CYLC2: variants seen among roughly 807,000 people sequenced by gnomAD.
CYLC2 encodes cylicin 2.
CYLC2 carries 30 observed loss-of-function variants against 26.1 expected under a neutral mutation model. That is an observed-to-expected ratio of 1.15 (90% CI 0.86 to 1.56). CYLC2 has a LOEUF of 1.56. CYLC2 is among the 40% of genes most tolerant of loss of function. The pLI, the probability that CYLC2 is intolerant of heterozygous loss-of-function variation, is 0.00. For synonymous variants in CYLC2, 158 were observed against 132.8 expected (o/e 1.19, Z -1.31); for missense variants, 498 against 394.4 (o/e 1.26, Z -2.23).
At chr9:103,014,682 A>ACAC (rs1554713811) in intron 6 of CYLC2, among the ~76,000 whole-genome samples, 3 of 135,634 alleles carry the variant, frequency 2.2e-5, no homozygotes, top group Admixed American at 1.6e-4. Flanking sequence ...TATGCAGTAT[A>ACAC]CATATGTAAT....
At chr9:103,016,299 A>G (rs1829505818) in intron 6 of CYLC2, among the ~76,000 whole-genome samples, 1 of 151,974 alleles carries the variant, frequency 6.6e-6, no homozygotes, top group South Asian at 2.1e-4. Context: ...CCTAAATAAG[A>G]TTCAGAGAAA....
chr9:103,003,409 C>A lies in CYLC2; in HGVS notation c.180+146C>A, dbSNP rs555672722. On this transcript the variant is annotated intron_variant, in intron 3 of 7. Coordinates refer to ENST00000374798, the MANE Select transcript of CYLC2 (RefSeq NM_001340.5). Reference sequence around the variant, plus strand: ...ATGTATAGTTGTATGTGTTATAGATCAAAGCTGACCAACAAGTTTCTGCAA... The same window carrying A: ...ATGTATAGTTGTATGTGTTATAGATAAAAGCTGACCAACAAGTTTCTGCAA... 22 of 664,978 alleles carry A rather than the reference C, an allele frequency of 3.3e-5. No individual in the cohort carries two copies. In the East Asian group the frequency reaches 6.2e-4, roughly 19 times the overall value. The allele number at this position is 664,978 out of a possible 1,614,324, so 41.2% of individuals were successfully genotyped here. A position where few individuals can be genotyped will look rare whatever the true frequency, so the allele number is the denominator to read the frequency against.
chr9:102,996,378 C>T lies in CYLC2; in HGVS notation c.17+981C>T, dbSNP rs182494361. The stretch of plus-strand genomic sequence containing the variant: ...AAAATATCGATGGTATTATTGTTAT[C>T]ATGAGCATCAAATAGCTTTCAGAGA... On this transcript the variant is annotated intron_variant, in intron 1 of 7. Coordinates refer to ENST00000374798, the MANE Select transcript of CYLC2 (RefSeq NM_001340.5). Among the ~76,000 whole-genome samples, 200 of 151,912 alleles carry T rather than the reference C, an allele frequency of 1.3e-3. 2 individuals are homozygous for T. The highest frequency in any genetic ancestry group is 1.8e-3 in the Non-Finnish European group (119 of 67,846).
chr9:102,996,031 C>T (rs1321955083), intron 1 of CYLC2, among the ~76,000 whole-genome samples: 1 of 151,746 alleles, frequency 6.6e-6, no homozygotes, highest in Admixed American at 6.6e-5. Context: ...TCTGTAAACC[C>T]TTTTACAGAG....
Position 103,015,645 on chromosome 9 carries a change from C to T in CYLC2, c.*817-1243C>T, listed in dbSNP as rs139559562. Among the ~76,000 whole-genome samples the T allele has an allele frequency of 1.8e-4, 26 of 147,300 alleles. No homozygotes were observed. In the East Asian group the frequency reaches 5.1e-3, roughly 29 times the overall value. On this transcript the variant is annotated intron_variant, in intron 6 of 7. Coordinates refer to ENST00000374798, the MANE Select transcript of CYLC2 (RefSeq NM_001340.5). ...GTCTCTTGAGTGTTCCTTGGACTCT[C>T]TACTTGACCAGCGCTCTACCTTTCA...
intron 6 of CYLC2, among the ~76,000 whole-genome samples, chr9:103,013,270 A>AT: frequency 4.8e-5 from 5 of 103,600 alleles, no homozygotes; most frequent in African/African-American, 2.0e-4. Context: ...TGTTATATAT[A>AT]TTATATATAA....
chr9:103,016,009 TTATC>T (rs145085805), intron 6 of CYLC2, among the ~76,000 whole-genome samples: 5,360 of 151,012 alleles, frequency 0.035, 126 homozygotes, highest in Non-Finnish European at 0.058. Context: ...TATGTATCAA[TTATC>T]TATCTATATG....
chr9:103,009,979 C>T (rs754774876), intron 5 of CYLC2, among the ~76,000 whole-genome samples: 10 of 109,602 alleles, frequency 9.1e-5, no homozygotes, highest in Non-Finnish European at 1.8e-4. Context: ...GAATTTATTA[C>T]ATTTTACATG....
rs771714115 is a variant in CYLC2, at chr9:103,005,213, G to A, written c.582G>A (p.Lys194=). ...GAKKDNKKDK[K]DSNKGKDSAT... ...AGAAAGATAACAAAAAAGATAAAAA[G>A]GATTCAAACAAAGGCAAAGACTCGG... The change falls in exon 5 of 8, where the codon AAG becomes AAA. Residue 194 remains lysine, a synonymous_variant. Transcript: ENST00000374798. The A allele has an allele frequency of 8.1e-6, 13 of 1,609,096 alleles. 1 individual carries two copies. In the South Asian group the frequency reaches 1.3e-4, roughly 16 times the overall value.
chr9:103,000,449 T>A (rs570339268), intron 1 of CYLC2, among the ~76,000 whole-genome samples: 7 of 152,170 alleles, frequency 4.6e-5, no homozygotes, highest in African/African-American at 1.7e-4. Flanking sequence ...CATTGTTGGG[T>A]ATCAACATTT....
At chr9:103,004,930 T>G (rs1157414488) in intron 4 of CYLC2, 39 bp from the exon 5 acceptor site, 2 of 1,574,990 alleles carry the variant, frequency 1.3e-6, no homozygotes, top group Non-Finnish European at 1.7e-6. Context: ...CAAGTTTGGA[T>G]TTTCCCATTT....
At chr9:103,009,699 T>C (rs1338259989) in intron 5 of CYLC2, among the ~76,000 whole-genome samples, 2 of 152,018 alleles carry the variant, frequency 1.3e-5, no homozygotes, top group Non-Finnish European at 2.9e-5. Flanking sequence ...ACGATTCTCA[T>C]CTCTCCTTCA....
intron 5 of CYLC2, among the ~76,000 whole-genome samples, chr9:103,008,908 T>A (rs771400408): frequency 5.3e-5 from 8 of 152,076 alleles, no homozygotes; most frequent in Non-Finnish European, 1.0e-4. Context: ...GGTCAAAGCT[T>A]TCTAGTGTAC....
chr9:103,017,381 G>C (rs756596435), intron 7 of CYLC2, among the ~76,000 whole-genome samples: 13 of 151,980 alleles, frequency 8.6e-5, no homozygotes, highest in Non-Finnish European at 1.5e-4. Flanking sequence ...TTGAAAGTTT[G>C]AAACTTCATG....
intron 1 of CYLC2, among the ~76,000 whole-genome samples, chr9:102,995,969 A>G (rs1564095466): frequency 2.0e-5 from 3 of 151,876 alleles, no homozygotes; most frequent in South Asian, 2.1e-4. Context: ...TAGTTTACTT[A>G]TGCTTAATTT....
At position 103,005,318 on chromosome 9, in the gene CYLC2, T is replaced by C; in HGVS notation, c.687T>C (p.Asp229=). ...KGKKDSKKGK[D]SAIELQAVKA... ...AAAAGGATTCAAAGAAGGGCAAGGATTCAGCCATAGAATTACAAGCTGTAA... is the reference window on the plus strand; with the variant it reads ...AAAAGGATTCAAAGAAGGGCAAGGACTCAGCCATAGAATTACAAGCTGTAA... Residue 229 remains aspartate, a synonymous_variant, in exon 5 of 8, where the codon GAT becomes GAC. Coordinates refer to ENST00000374798, the MANE Select transcript of CYLC2 (RefSeq NM_001340.5). 2 of 1,613,632 alleles carry C rather than the reference T, an allele frequency of 1.2e-6. No homozygotes were observed. Among genetic ancestry groups the C allele is most frequent in the South Asian group, 2.2e-5 (2 of 91,068 alleles).
At position 103,004,701 on chromosome 9, in the gene CYLC2, G is replaced by T; in HGVS notation, c.187G>T (p.Asp63Tyr). The change falls in exon 4 of 8, where the codon GAT becomes TAT. Residue 63 changes from aspartate to tyrosine, a missense_variant. Transcript: ENST00000374798. ...TATTGTAACCATCTTTCAGATAATT[G>T]ATGAAGAACAATTAAGAGGAGATCG... ...QIRDNTVSII[D>Y]EEQLRGDRRQ... 1 of 1,588,854 alleles carries T rather than the reference G, an allele frequency of 6.3e-7. No individual in the cohort carries two copies. The highest frequency in any genetic ancestry group is 1.9e-5 in the Admixed American group (1 of 52,162).
rs1390899187 is a variant in CYLC2 at position 103,005,312 on chromosome 9, C to A, written c.681C>A (p.Gly227=). Residue 227 remains glycine, a synonymous_variant, in exon 5 of 8, where the codon GGC becomes GGA. Transcript: ENST00000374798. The stretch of plus-strand genomic sequence containing the variant: ...AAGGTAAAAAGGATTCAAAGAAGGG[C>A]AAGGATTCAGCCATAGAATTACAAG... ...SKKGKKDSKK[G]KDSAIELQAV... 1.1e-5 allele frequency: 17 copies of A among 1,613,094 alleles called. No individual in the cohort carries two copies. The highest frequency in any genetic ancestry group is 1.4e-5 in the Non-Finnish European group (17 of 1,179,802).
At chr9:103,002,240 T>C (rs1829295383) in intron 2 of CYLC2, among the ~76,000 whole-genome samples, 1 of 152,066 alleles carries the variant, frequency 6.6e-6, no homozygotes. Flanking sequence ...TCATTTGTAT[T>C]ATAGTTTTCA....
Sources: allele counts gnomAD v4.1 joint callset (sites outside exome capture counted in the v4.1 genomes callset), GRCh38; gene constraint gnomAD v4.1.1; transcripts MANE v1.5; gene names NCBI Gene and HGNC (gene_info 2026-07-23, HGNC 2026-07-21).